ROBO2: variants seen among roughly 807,000 people sequenced by gnomAD.
ROBO2 encodes roundabout homolog 2.
ROBO2 carries 53 observed loss-of-function variants against 160.8 expected under a neutral mutation model. The observed-to-expected ratio is 0.33, with a 90% CI of 0.26 to 0.41. The LOEUF is 0.41. Ranked by LOEUF, ROBO2 falls within the 10% of genes least tolerant of loss-of-function variation. ROBO2 has a pLI of 1.00. For missense variants in ROBO2, 1,577 were observed against 1,722.4 expected, an observed-to-expected ratio of 0.92 and a Z score of 1.49; for synonymous variants, 664 against 611.7, an observed-to-expected ratio of 1.09 and a Z score of -1.26.
At chr3:77,407,990 G>A (rs902041103) in intron 2 of ROBO2, among the ~76,000 whole-genome samples, 3 of 151,816 alleles carry the variant, frequency 2.0e-5, no homozygotes, top group African/African-American at 7.3e-5. Context: ...TGCTGGAAAG[G>A]TGCATGCACT....
At chr3:77,438,567 C>T (rs903080525) in intron 2 of ROBO2, among the ~76,000 whole-genome samples, 30 of 147,860 alleles carry the variant, frequency 2.0e-4, no homozygotes, top group African/African-American at 4.9e-4. Context: ...CACACACACA[C>T]GCATATATGT....
intron 6 of ROBO2, among the ~76,000 whole-genome samples, chr3:77,540,554 A>T (rs1239301655): frequency 1.3e-5 from 2 of 150,224 alleles, no homozygotes; most frequent in African/African-American, 2.4e-5. Flanking sequence ...AACAATACAC[A>T]CTGGGGCCAG....
chr3:76,551,410 C>A (rs550246715), intron 2 of ROBO2, among the ~76,000 whole-genome samples: 1 of 152,248 alleles, frequency 6.6e-6, no homozygotes, highest in South Asian at 2.1e-4. Context: ...AAGCTCCTTT[C>A]CGTCTTGCTC....
At chr3:77,101,300 G>A (rs1234458529) in intron 2 of ROBO2, among the ~76,000 whole-genome samples, 1 of 152,116 alleles carries the variant, frequency 6.6e-6, no homozygotes, top group Non-Finnish European at 1.5e-5. Flanking sequence ...GATTTGTTTT[G>A]TTTTGTTTTG....
At chr3:75,999,476 T>A (rs1008821530) in intron 2 of ROBO2, among the ~76,000 whole-genome samples, 3 of 152,196 alleles carry the variant, frequency 2.0e-5, no homozygotes, top group Non-Finnish European at 4.4e-5. Flanking sequence ...AGTATTTATT[T>A]TATTTAGACC....
At chr3:76,440,806 T>C (rs1360276224) in intron 2 of ROBO2, among the ~76,000 whole-genome samples, 1 of 152,072 alleles carries the variant, frequency 6.6e-6, no homozygotes, top group East Asian at 1.9e-4. Flanking sequence ...GAAAACAGTC[T>C]TTCAAGGATT....
intron 20 of ROBO2, among the ~76,000 whole-genome samples, chr3:77,606,469 T>A (rs1229958145): frequency 6.6e-6 from 1 of 152,192 alleles, no homozygotes; most frequent in Non-Finnish European, 1.5e-5. Flanking sequence ...CCTCTTAAAA[T>A]CTTTTATTCT....
chr3:76,922,040 G>C (rs555918267), intron 2 of ROBO2, among the ~76,000 whole-genome samples: 1 of 152,258 alleles, frequency 6.6e-6, no homozygotes, highest in African/African-American at 2.4e-5. Context: ...GGCCAGGCGC[G>C]ATGGTTCATG....
At chr3:77,418,337 T>C (rs1302541403) in intron 2 of ROBO2, among the ~76,000 whole-genome samples, 1 of 152,174 alleles carries the variant, frequency 6.6e-6, no homozygotes, top group East Asian at 1.9e-4. Flanking sequence ...CTGCAACATA[T>C]TAGATGCATC....
intron 2 of ROBO2, among the ~76,000 whole-genome samples, chr3:76,714,205 T>C (rs2093344974): frequency 6.6e-6 from 1 of 152,116 alleles, no homozygotes; most frequent in Non-Finnish European, 1.5e-5. Flanking sequence ...ACATTTTCCT[T>C]TTTAACAACT....
intron 2 of ROBO2, among the ~76,000 whole-genome samples, chr3:76,058,589 C>CTTTTTTTTTTTTT (rs10676074): frequency 8.2e-5 from 4 of 48,860 alleles, no homozygotes; most frequent in Non-Finnish European, 1.0e-4. Context: ...ACAGCAGAAA[C>CTTTTTTTTTTTTT]TTTTTTTTTT....
At chr3:76,904,625 T>G (rs1375380154) in intron 2 of ROBO2, among the ~76,000 whole-genome samples, 1 of 152,148 alleles carries the variant, frequency 6.6e-6, no homozygotes, top group Admixed American at 6.6e-5. Flanking sequence ...TTGACAGTTC[T>G]CCATCCCGTG....
At chr3:77,019,079 G>A (rs2062461969) in intron 2 of ROBO2, among the ~76,000 whole-genome samples, 1 of 152,124 alleles carries the variant, frequency 6.6e-6, no homozygotes, top group African/African-American at 2.4e-5. Context: ...CATGGGTTTC[G>A]GGAACCTCAA....
chr3:77,566,713 G>A (rs1234632668), intron 12 of ROBO2, among the ~76,000 whole-genome samples: 5 of 151,984 alleles, frequency 3.3e-5, no homozygotes, highest in African/African-American at 1.2e-4. Context: ...ATGAAAAGTT[G>A]TTTGTGGTCT....
chr3:76,985,719 C>T (rs561252834), intron 2 of ROBO2, among the ~76,000 whole-genome samples: 1 of 151,042 alleles, frequency 6.6e-6, no homozygotes, highest in African/African-American at 2.4e-5. Context: ...TATTCCATTG[C>T]ATATTCAACT....
intron 18 of ROBO2, among the ~76,000 whole-genome samples, chr3:77,596,420 C>T (rs2094304139): frequency 6.6e-6 from 1 of 152,110 alleles, no homozygotes; most frequent in African/African-American, 2.4e-5. Flanking sequence ...GACAAAATCC[C>T]GGGCAAGGAC....
At chr3:77,014,635 G>C (rs184670893) in intron 2 of ROBO2, among the ~76,000 whole-genome samples, 1 of 152,136 alleles carries the variant, frequency 6.6e-6, no homozygotes, top group Non-Finnish European at 1.5e-5. Context: ...AAAATGCAAG[G>C]TGTTGTATTA....
At chr3:76,862,351 C>T (rs755748087) in intron 2 of ROBO2, among the ~76,000 whole-genome samples, 4 of 152,028 alleles carry the variant, frequency 2.6e-5, no homozygotes, top group Non-Finnish European at 4.4e-5. Context: ...CTGGCTAGGT[C>T]TACAAGGCAA....
Position 77,161,306 on chromosome 3 carries a change from A to T in ROBO2, c.388+62966A>T, listed in dbSNP as rs144740629. Among the ~76,000 whole-genome samples the T allele has an allele frequency of 3.7e-3, 557 of 152,354 alleles. 1 individual carries two copies. The highest frequency in any genetic ancestry group is 9.3e-3 in the Admixed American group (143 of 15,302). On this transcript the variant is annotated intron_variant, in intron 2 of 25. Transcript: ENST00000461745. ...CAACCTCAGCACCATTTTATGCTTA[A>T]TTTGCATATGAAGCAATATGGGACT...
Sources: allele counts gnomAD v4.1 joint callset (sites outside exome capture counted in the v4.1 genomes callset), GRCh38; gene constraint gnomAD v4.1.1; transcripts MANE v1.5; gene names NCBI Gene and HGNC (gene_info 2026-07-23, HGNC 2026-07-21).